Variants in PSMD1 observed in about 807,000 individuals in gnomAD.
PSMD1 encodes 26S proteasome non-ATPase regulatory subunit 1.
A neutral mutation model predicts 119.0 loss-of-function variants in PSMD1; 18 were observed. The ratio of observed to expected loss-of-function variants is 0.15; its 90% CI spans 0.10 to 0.22. PSMD1 has a LOEUF of 0.22. Among genes scored for constraint, PSMD1 ranks in the 10% least tolerant of loss-of-function variants. PSMD1 has a pLI of 1.00. For synonymous variants in PSMD1, 374 were observed against 396.6 expected, an observed-to-expected ratio of 0.94 and a Z score of 0.68; for missense variants, 702 against 1,158.5, an observed-to-expected ratio of 0.61 and a Z score of 5.72.
At chr2:231,121,026 T>C (rs1695522156) in intron 16 of PSMD1, among the ~76,000 whole-genome samples, 1 of 152,234 alleles carries the variant, frequency 6.6e-6, no homozygotes, top group Admixed American at 6.5e-5. Flanking sequence ...TATGAATTCA[T>C]CCTTTGAAGT....
chr2:231,145,186 G>A (rs747698594), intron 17 of PSMD1, among the ~76,000 whole-genome samples: 4 of 152,218 alleles, frequency 2.6e-5, no homozygotes, highest in Non-Finnish European at 5.9e-5. Context: ...GATGCGTTCT[G>A]AGAAATGGCA....
At chr2:231,108,472 C>T in intron 16 of PSMD1, 1 of 1,403,470 alleles carries the variant, frequency 7.1e-7, no homozygotes, top group Non-Finnish European at 1.0e-6. Flanking sequence ...ACATCTCATT[C>T]ATCATCTTAC....
intron 6 of PSMD1, among the ~76,000 whole-genome samples, chr2:231,071,927 T>C (rs1226371617): frequency 6.6e-6 from 1 of 152,192 alleles, no homozygotes; most frequent in East Asian, 1.9e-4. Flanking sequence ...CAACAACCAA[T>C]GTTGAATACT....
chr2:231,140,613 C>A (rs1445582052), intron 17 of PSMD1, among the ~76,000 whole-genome samples: 1 of 151,908 alleles, frequency 6.6e-6, no homozygotes, highest in Non-Finnish European at 1.5e-5. Flanking sequence ...TGCAGTGGCT[C>A]ACACCTGTAA....
chr2:231,135,322 A>G (rs1342698658), intron 16 of PSMD1, among the ~76,000 whole-genome samples: 2 of 152,144 alleles, frequency 1.3e-5, no homozygotes, highest in African/African-American at 4.8e-5. Flanking sequence ...ATTGATTTAA[A>G]CCTATAATAA....
intron 16 of PSMD1, among the ~76,000 whole-genome samples, chr2:231,120,015 C>G (rs1342131536): frequency 1.3e-5 from 2 of 150,610 alleles, no homozygotes; most frequent in Non-Finnish European, 3.0e-5. Flanking sequence ...TGCAGTGGCA[C>G]CATCTCGGCT....
intron 16 of PSMD1, among the ~76,000 whole-genome samples, chr2:231,101,321 C>A (rs1206847186): frequency 6.6e-6 from 1 of 152,074 alleles, no homozygotes; most frequent in East Asian, 1.9e-4. Context: ...TAGCTAAATC[C>A]TCTTTTGAAG....
chr2:231,154,703 G>C (rs116294491), intron 19 of PSMD1, among the ~76,000 whole-genome samples: 1 of 152,096 alleles, frequency 6.6e-6, no homozygotes, highest in Non-Finnish European at 1.5e-5. Flanking sequence ...TCCTGGACTC[G>C]AGCAGTGTTC....
At chr2:231,153,439 C>A in intron 18 of PSMD1, 125 bp from the exon 19 acceptor site, 1 of 714,614 alleles carries the variant, frequency 1.4e-6, no homozygotes, top group Non-Finnish European at 2.4e-6. Context: ...TGGTCCATAT[C>A]CCTCTCTTGA....
At chr2:231,085,420 G>A (rs1694408311) in intron 15 of PSMD1, among the ~76,000 whole-genome samples, 1 of 152,208 alleles carries the variant, frequency 6.6e-6, no homozygotes, top group Non-Finnish European at 1.5e-5. Context: ...GTGAGTATGT[G>A]TGGCCACCCT....
chr2:231,123,276 C>T, intron 16 of PSMD1: 1 of 725,914 alleles, frequency 1.4e-6, no homozygotes, highest in Non-Finnish European at 2.5e-6. Flanking sequence ...AAACAAGGGA[C>T]TGTTTACTTG....
intron 16 of PSMD1, among the ~76,000 whole-genome samples, chr2:231,094,538 A>G (rs1694680511): frequency 1.3e-5 from 2 of 152,196 alleles, no homozygotes; most frequent in African/African-American, 2.4e-5. Context: ...GTCACTAACA[A>G]TATTGATGGG....
chr2:231,066,913 C>T lies in PSMD1; in HGVS notation c.312C>T (p.Cys104=), dbSNP rs1693921818. Residue 104 remains cysteine (C), a synonymous_variant, in exon 5 of 25, where the codon TGC becomes TGT. Coordinates refer to ENST00000308696, the MANE Select transcript of PSMD1 (RefSeq NM_002807.4). ...ATTTTATTTCCTCAACAGCAAAATG[C>T]ATTGATCACTACACCAAACAATGTG... ...SEYVETIIAK[C]IDHYTKQCVE... 6.3e-7 allele frequency: 1 copy of T among 1,593,902 alleles called. No individual in the cohort carries two copies. Among genetic ancestry groups the T allele is most frequent in the East Asian group, 2.2e-5 (1 of 44,638 alleles).
intron 17 of PSMD1, among the ~76,000 whole-genome samples, chr2:231,144,910 A>G (rs969078882): frequency 2.0e-5 from 3 of 152,198 alleles, no homozygotes; most frequent in African/African-American, 4.8e-5. Context: ...AATACCTAGT[A>G]CTGTGTCTGA....
chr2:231,146,153 TG>T, intron 17 of PSMD1, 86 bp from the exon 18 acceptor site: 3 of 870,934 alleles, frequency 3.4e-6, no homozygotes, highest in Non-Finnish European at 5.7e-6. Context: ...CTTCCCAGAA[TG>T]TCGTTACATG....
At chr2:231,159,361 C>G (rs1359354244) in intron 19 of PSMD1, among the ~76,000 whole-genome samples, 2 of 152,158 alleles carry the variant, frequency 1.3e-5, no homozygotes, top group Non-Finnish European at 2.9e-5. Flanking sequence ...AATCCATAGT[C>G]TACTTTTAAA....
intron 16 of PSMD1, among the ~76,000 whole-genome samples, chr2:231,095,752 G>A (rs1694708723): frequency 6.6e-6 from 1 of 152,212 alleles, no homozygotes; most frequent in Admixed American, 6.5e-5. Flanking sequence ...CCAATCTTGA[G>A]GAATCGCTGC....
rs765605096 is a variant in PSMD1 at position 231,062,685 on chromosome 2, G to A, written c.304+10G>A. The A allele has an allele frequency of 2.0e-5, 31 of 1,575,530 alleles. No individual in the cohort carries two copies. The highest frequency in any genetic ancestry group is 1.4e-4 in the African/African-American group (10 of 73,386). ...GTGGAAACTATTATAGGTAATTATC[G>A]TCTATCTGGTAAGGCTTTATCTTGT... On this transcript the variant is annotated intron_variant, in intron 4 of 24. Coordinates refer to ENST00000308696, the MANE Select transcript of PSMD1 (RefSeq NM_002807.4).
intron 18 of PSMD1, among the ~76,000 whole-genome samples, chr2:231,152,778 C>T (rs1696400374): frequency 6.6e-6 from 1 of 152,098 alleles, no homozygotes; most frequent in Non-Finnish European, 1.5e-5. Flanking sequence ...GGGTGCCTAC[C>T]ATTTGAAAAG....
Sources: allele counts gnomAD v4.1 joint callset (sites outside exome capture counted in the v4.1 genomes callset), GRCh38; gene constraint gnomAD v4.1.1; transcripts MANE v1.5; gene names NCBI Gene and HGNC (gene_info 2026-07-23, HGNC 2026-07-21).